Variants in SYNE2 observed in about 807,000 individuals in gnomAD.
SYNE2 encodes nesprin-2.
Under a neutral mutation model 856.3 loss-of-function variants are expected in SYNE2, and 431 were observed. The ratio of observed to expected loss-of-function variants is 0.50; its 90% CI spans 0.47 to 0.55. The LOEUF is 0.55. Ranked by LOEUF, SYNE2 falls within the 20% of genes least tolerant of loss-of-function variation. The probability of loss-of-function intolerance (pLI) is 0.00; values close to 1 mark genes in which losing one functional copy is unlikely to be tolerated. For missense variants in SYNE2, 8,129 were observed against 8,023.2 expected (o/e 1.01, Z -0.50); for synonymous variants, 2,923 against 2,872.3 (o/e 1.02, Z -0.56).
intron 6 of SYNE2, among the ~76,000 whole-genome samples, chr14:63,949,537 A>G (rs1397994839): frequency 2.6e-5 from 4 of 152,172 alleles, no homozygotes; most frequent in Non-Finnish European, 5.9e-5. Context: ...ACTACAGTGA[A>G]GTGCTCCATA....
rs1255884 is a variant in SYNE2 at position 63,961,436 on chromosome 14, A to T, written c.788-89A>T. ...GGTGCATTTCCAGAGCCTGTGAACC[A>T]AATGGCAGAGGCTATGGCATAGCCC... On this transcript the variant is annotated intron_variant, in intron 8 of 115. Transcript: ENST00000555002. The T allele has an allele frequency of 3.6e-6, 4 of 1,113,558 alleles. No homozygotes were observed. In the East Asian group the frequency reaches 7.5e-5, roughly 21 times the overall value. 69.0% of individuals were successfully genotyped at this position (1,113,558 alleles called of 1,614,324 possible). A position where few individuals can be genotyped will look rare whatever the true frequency, so the allele number is the denominator to read the frequency against.
At chr14:64,093,637 T>G (rs965654627) in intron 61 of SYNE2, among the ~76,000 whole-genome samples, 157 bp downstream of exon 61, 1 of 152,248 alleles carries the variant, frequency 6.6e-6, no homozygotes, top group East Asian at 1.9e-4. Flanking sequence ...GTGTTTACTT[T>G]CCATCCCTAT....
At chr14:64,092,090 T>G (rs573298426) in intron 60 of SYNE2, among the ~76,000 whole-genome samples, 1 of 152,274 alleles carries the variant, frequency 6.6e-6, no homozygotes, top group African/African-American at 2.4e-5. Context: ...ATGTACTACC[T>G]TGTAATAATA....
At chr14:64,043,152 C>T (rs2153481) in intron 45 of SYNE2, among the ~76,000 whole-genome samples, 132,400 of 152,166 alleles carry the variant, frequency 0.87, 57,997 homozygotes, top group Non-Finnish European at 0.93. Context: ...TTTGCGGAAC[C>T]GAACTTGAGA....
At chr14:64,089,497 A>G (rs1427354442) in intron 58 of SYNE2, 77 bp from the exon 59 acceptor site, 3 of 1,456,236 alleles carry the variant, frequency 2.1e-6, no homozygotes, top group Non-Finnish European at 2.8e-6. Flanking sequence ...AGAGAATAAA[A>G]TTAATGCCAA....
At chr14:64,147,308 T>G (rs1373450738) in intron 84 of SYNE2, among the ~76,000 whole-genome samples, 2 of 152,188 alleles carry the variant, frequency 1.3e-5, no homozygotes, top group Non-Finnish European at 2.9e-5. Flanking sequence ...GCCTCCTCCC[T>G]CATTTCCTTC....
intron 74 of SYNE2, among the ~76,000 whole-genome samples, chr14:64,129,297 A>G (rs2153677598): frequency 6.6e-6 from 1 of 152,336 alleles, no homozygotes; most frequent in South Asian, 2.1e-4. Flanking sequence ...ACAGAGCCAG[A>G]CTTTTGTCTC....
At position 64,166,572 on chromosome 14, in the gene SYNE2, C is replaced by T. The variant is rs575360016; in HGVS notation, c.16606-661C>T. Reference sequence around the variant, plus strand: ...TTTTAAGAATCAAATTTTCATCACTCTGTGCTTGACCTGTTTGTTGAAGGC... The same window carrying T: ...TTTTAAGAATCAAATTTTCATCACTTTGTGCTTGACCTGTTTGTTGAAGGC... On this transcript the variant is annotated intron_variant, in intron 90 of 115. Coordinates refer to ENST00000555002, the MANE Select transcript of SYNE2 (RefSeq NM_182914.3). Among the ~76,000 whole-genome samples the T allele has an allele frequency of 2.2e-4, 34 of 152,334 alleles. No homozygotes were observed. In the South Asian group the frequency reaches 7.0e-3, roughly 32 times the overall value.
chr14:64,126,479 G>A lies in SYNE2; in HGVS notation c.13707G>A (p.Glu4569=). 1 of 1,614,148 alleles carries A rather than the reference G, an allele frequency of 6.2e-7. No individual in the cohort carries two copies. The highest frequency in any genetic ancestry group is 8.5e-7 in the Non-Finnish European group (1 of 1,180,006). ...GTTCTGGCCAGCAGGTGCACTACGA[G>A]GTAGGGCACTTCTCACGAGCCCATG... ...EDGSGQQVHY[E]TLALELKKLY... The change falls in exon 72 of 116, where the codon GAG becomes GAA. Residue 4569 remains glutamate, a splice_region_variant and synonymous_variant. Transcript: ENST00000555002.
chr14:64,194,299 C>CTT (rs549466331), intron 99 of SYNE2, among the ~76,000 whole-genome samples: 2 of 148,098 alleles, frequency 1.4e-5, no homozygotes, highest in Non-Finnish European at 3.0e-5. Flanking sequence ...CTCTTTTCTT[C>CTT]TTTTTTTTTT....
At chr14:63,912,026 C>T (rs2095478967) in intron 2 of SYNE2, among the ~76,000 whole-genome samples, 1 of 151,978 alleles carries the variant, frequency 6.6e-6, no homozygotes, top group African/African-American at 2.4e-5. Flanking sequence ...GCTGGACACA[C>T]TGCTGTCTTA....
At chr14:64,100,207 A>G (rs562845671) in intron 63 of SYNE2, 2 of 152,198 alleles carry the variant, frequency 1.3e-5, no homozygotes, top group East Asian at 1.9e-4. Context: ...GAAAATCATC[A>G]TTCTCAGTAA....
chr14:63,853,934 T>C (rs1891089473), intron 1 of SYNE2, among the ~76,000 whole-genome samples: 2 of 152,170 alleles, frequency 1.3e-5, no homozygotes. Context: ...GCGGGGGCTG[T>C]GTATGGAATC....
At position 63,908,230 on chromosome 14, in the gene SYNE2, T is replaced by C. The variant is rs113724620; in HGVS notation, c.-51-868T>C. On this transcript the variant is annotated intron_variant, in intron 1 of 115. Transcript: ENST00000555002. ...AAAGGAATTTAAAAGTGAATACCTA[T>C]AGGGTCAACACATAGATTCTAACAT... 5.4e-3 allele frequency among the ~76,000 whole-genome samples: 821 copies of C among 152,282 alleles called. 5 individuals are homozygous for C. The highest frequency in any genetic ancestry group is 0.018 in the African/African-American group (760 of 41,554).
At chr14:63,845,416 CAAAA>C (rs34474637) in intron 1 of SYNE2, among the ~76,000 whole-genome samples, 2 of 113,312 alleles carry the variant, frequency 1.8e-5, no homozygotes, top group African/African-American at 3.3e-5. Flanking sequence ...AACTCTGTCT[CAAAA>C]AAAAAAAAAA....
chr14:64,023,511 G>A (rs2153535955), intron 38 of SYNE2: 1 of 152,584 alleles, frequency 6.6e-6, no homozygotes, highest in East Asian at 1.9e-4. Flanking sequence ...CCCCTTTCTT[G>A]AAAGAGGTAT....
In SYNE2 at chr14:63,837,318, AG is replaced by A. The variant is rs557450628; in HGVS notation, c.-304-15181del. 2.2e-3 allele frequency among the ~76,000 whole-genome samples: 339 copies of A among 152,362 alleles called. 1 individual carries two copies. The highest frequency in any genetic ancestry group is 7.8e-3 in the African/African-American group (325 of 41,588). On this transcript the variant is annotated intron_variant, in intron 1 of 23. Transcript: ENST00000674003. ...CTGAAAGTGGATCATTGACCTAAAA[AG>A]GAAGAGCTAAAACTATGAAACTCTT...
At position 64,186,676 on chromosome 14, in the gene SYNE2, G is replaced by T; in HGVS notation, c.17712+97G>T. 1.9e-6 allele frequency: 3 copies of T among 1,555,054 alleles called. No individual in the cohort carries two copies. The South Asian group carries it at 3.4e-5, about 17-fold the overall frequency. ...GAAAGGAGCTTAATTTCATTGAACC[G>T]GAGGCCCTTTTCAGTGGGACCCCTG... On this transcript the variant is annotated intron_variant, in intron 97 of 115. Coordinates refer to ENST00000555002, the MANE Select transcript of SYNE2 (RefSeq NM_182914.3).
At chr14:63,880,049 G>A (rs2094823309) in intron 1 of SYNE2, among the ~76,000 whole-genome samples, 1 of 152,146 alleles carries the variant, frequency 6.6e-6, no homozygotes, top group Non-Finnish European at 1.5e-5. Flanking sequence ...TCACTTGATA[G>A]AAGGGTTGAC....
Sources: allele counts gnomAD v4.1 joint callset (sites outside exome capture counted in the v4.1 genomes callset), GRCh38; gene constraint gnomAD v4.1.1; transcripts MANE v1.5; gene names NCBI Gene and HGNC (gene_info 2026-07-23, HGNC 2026-07-21).